Variants in PAX8 observed in about 807,000 individuals in gnomAD.
The protein encoded by PAX8 is paired box 8.
PAX8 carries 15 observed loss-of-function variants against 52.4 expected under a neutral mutation model. The observed-to-expected ratio is 0.29, with a 90% CI of 0.19 to 0.44. The LOEUF is 0.44. Among genes scored for constraint, PAX8 ranks in the 20% least tolerant of loss-of-function variants. The pLI is 1.00. For synonymous variants in PAX8, 284 were observed against 249.7 expected, an observed-to-expected ratio of 1.14 and a Z score of -1.29; for missense variants, 554 against 602.5, an observed-to-expected ratio of 0.92 and a Z score of 0.84.
chr2:113,235,540 A>ACCTC lies in PAX8; in HGVS notation c.937_940dup (p.Val314GlyfsTer6). The ACCTC allele has an allele frequency of 6.2e-7, 1 of 1,613,614 alleles. No individual in the cohort carries two copies. The highest frequency in any genetic ancestry group is 8.5e-7 in the Non-Finnish European group (1 of 1,179,714). On this transcript the variant is annotated frameshift_variant, in exon 9 of 12. Transcript: ENST00000429538. LOFTEE classifies it high-confidence loss of function. ...GGAAGGGGTGGAGCTAGAACTGGACACCTCGGGGGTTTCCTGCTTTATGGC... is the reference window on the plus strand; with the variant it reads ...GGAAGGGGTGGAGCTAGAACTGGACACCTCCCTCGGGGGTTTCCTGCTTTATGGC...
At chr2:113,260,743 C>T (rs895418) in intron 2 of PAX8, among the ~76,000 whole-genome samples, 78,213 of 151,976 alleles carry the variant, frequency 0.51, 20,593 homozygotes, top group African/African-American at 0.63. Flanking sequence ...TTTTGAAGGC[C>T]GAGATTCTTT....
rs191808127 is a variant in PAX8 at position 113,260,280 on chromosome 2, G to A, written c.26-13361C>T. Among the ~76,000 whole-genome samples the A allele has an allele frequency of 1.1e-4, 17 of 152,232 alleles. No homozygotes were observed. The East Asian group carries it at 1.2e-3, about 10-fold the overall frequency. ...TTCAATTCTGTCCACAAGTAGCTCC[G>A]TGGAATATCTGTGGAGGTGTGTATA... On this transcript the variant is annotated intron_variant, in intron 2 of 11. Coordinates refer to ENST00000429538, the MANE Select transcript of PAX8 (RefSeq NM_003466.4).
intron 2 of PAX8, among the ~76,000 whole-genome samples, chr2:113,277,769 G>T (rs895570410): frequency 1.3e-5 from 2 of 152,178 alleles, no homozygotes; most frequent in African/African-American, 2.4e-5. Flanking sequence ...TTGACTCCGC[G>T]AGCGGCTTAG....
In PAX8 at chr2:113,275,247, C is replaced by T. The variant is rs951583603; in HGVS notation, c.25+3123G>A. On this transcript the variant is annotated intron_variant, in intron 2 of 11. Transcript: ENST00000429538. Reference sequence around the variant, plus strand: ...TGACAAAGCTTAAAAAGATACTTATCTTAAAACTAATTCACAAGGTAGCTA... The same window carrying T: ...TGACAAAGCTTAAAAAGATACTTATTTTAAAACTAATTCACAAGGTAGCTA... 3.9e-5 allele frequency: 6 copies of T among 152,184 alleles called. No individual in the cohort carries two copies. The East Asian group carries it at 7.7e-4, about 20-fold the overall frequency. 9.4% of individuals were successfully genotyped at this position (152,184 alleles called of 1,614,324 possible).
intron 9 of PAX8, among the ~76,000 whole-genome samples, chr2:113,229,857 T>TGAGGGAG (rs2104439437): frequency 6.6e-6 from 1 of 151,620 alleles, no homozygotes; most frequent in Admixed American, 6.6e-5. Flanking sequence ...GGACAGGTGG[T>TGAGGGAG]GAGGGAGGGA....
chr2:113,263,891 AC>A (rs1692868045), intron 2 of PAX8, among the ~76,000 whole-genome samples: 1 of 152,164 alleles, frequency 6.6e-6, no homozygotes, highest in African/African-American at 2.4e-5. Context: ...TTTGATATAG[AC>A]CACACTTGAG....
Position 113,267,691 on chromosome 2 carries a change from C to G in PAX8, c.25+10679G>C, listed in dbSNP as rs147742095. The G allele has an allele frequency of 4.5e-4, 68 of 152,368 alleles. 1 individual carries two copies. Among genetic ancestry groups the G allele is most frequent in the African/African-American group, 1.6e-3 (67 of 41,576 alleles). The allele number at this position is 152,368 out of a possible 1,614,324, so 9.4% of individuals were successfully genotyped here. On this transcript the variant is annotated intron_variant, in intron 2 of 11. Transcript: ENST00000429538. ...GTACAGCCGGGACTCATCAATCACA[C>G]CTGTAACTTCCCAGCTGCATTTCTC...
chr2:113,257,843 C>T (rs1692371737), intron 2 of PAX8, among the ~76,000 whole-genome samples: 1 of 152,162 alleles, frequency 6.6e-6, no homozygotes, highest in Admixed American at 6.5e-5. Context: ...TTAAATGCAT[C>T]TTTTCAATTA....
At position 113,242,835 on chromosome 2, in the gene PAX8, C is replaced by G. The variant is rs543886262; in HGVS notation, c.390-57G>C. The stretch of plus-strand genomic sequence containing the variant: ...GAAGAGGAGGAAAGAGAACTCATGG[C>G]TGCCCCAGACCCAGTCGCCTTTTTG... On this transcript the variant is annotated intron_variant, in intron 4 of 11. Transcript: ENST00000429538. 3.1e-5 allele frequency: 42 copies of G among 1,374,876 alleles called. No individual in the cohort carries two copies. The East Asian group carries it at 8.9e-4, about 29-fold the overall frequency. The allele number at this position is 1,374,876 out of a possible 1,614,324, so 85.2% of individuals were successfully genotyped here.
chr2:113,267,151 T>G (rs1303598888), intron 2 of PAX8: 1 of 152,186 alleles, frequency 6.6e-6, no homozygotes, highest in South Asian at 2.1e-4. Context: ...GACAGAATGT[T>G]AGAGAGAATA....
chr2:113,261,205 G>A (rs1283910154), intron 2 of PAX8, among the ~76,000 whole-genome samples: 1 of 152,108 alleles, frequency 6.6e-6, no homozygotes, highest in Non-Finnish European at 1.5e-5. Flanking sequence ...AGGAAACAGG[G>A]GGTGCTGAGA....
intron 2 of PAX8, chr2:113,268,264 C>T (rs1400501238): frequency 6.6e-6 from 1 of 152,324 alleles, no homozygotes; most frequent in Non-Finnish European, 1.5e-5. Flanking sequence ...CAGCACAGGC[C>T]ACAGCAAAGG....
chr2:113,220,754 G>A (rs1689232796), intron 10 of PAX8, among the ~76,000 whole-genome samples: 1 of 152,190 alleles, frequency 6.6e-6, no homozygotes, highest in Admixed American at 6.5e-5. Context: ...GAGGGTTAAG[G>A]ATGGGAGAGG....
At chr2:113,242,612 G>A in intron 5 of PAX8, 78 bp downstream of exon 5, 1 of 941,982 alleles carries the variant, frequency 1.1e-6, no homozygotes. Context: ...GTCTGTGTGT[G>A]CCTCTGTGTA....
chr2:113,275,831 G>T (rs1307222044), intron 2 of PAX8: 1 of 152,256 alleles, frequency 6.6e-6, no homozygotes, highest in Non-Finnish European at 1.5e-5. Flanking sequence ...ACGTTAAAAT[G>T]ATTCGCGTTC....
At position 113,278,878 on chromosome 2, in the gene PAX8, G is replaced by A. The variant is rs1401256342; in HGVS notation, c.-123C>T. 1 of 1,058,088 alleles carries A rather than the reference G, an allele frequency of 9.5e-7. No individual in the cohort carries two copies. The highest frequency in any genetic ancestry group is 5.2e-5 in the East Asian group (1 of 19,062). The allele number at this position is 1,058,088 out of a possible 1,614,324, so 65.5% of individuals were successfully genotyped here. On this transcript the variant is annotated 5_prime_UTR_variant, in exon 1 of 12. Transcript: ENST00000429538. ...TCACTGCTTGGGTCCGCCCGCGAGG[G>A]TGCCCTGGGCCCGGTGTCTCTCCTC...
At chr2:113,235,294 G>A (rs1329838086) in intron 9 of PAX8, 100 bp downstream of exon 9, 2 of 983,936 alleles carry the variant, frequency 2.0e-6, no homozygotes, top group East Asian at 5.3e-5. Context: ...GGGTGGGGGT[G>A]GATGAGACTG....
chr2:113,271,395 C>G (rs1022704441), intron 2 of PAX8: 2 of 152,144 alleles, frequency 1.3e-5, no homozygotes, highest in Admixed American at 1.3e-4. Context: ...GACACGGCAG[C>G]CTTGGGGGGA....
chr2:113,262,126 G>A (rs962528294), intron 2 of PAX8, among the ~76,000 whole-genome samples: 2 of 152,036 alleles, frequency 1.3e-5, no homozygotes, highest in African/African-American at 2.4e-5. Context: ...CACTGTGCCC[G>A]GCCGATTTTA....
Sources: gnomAD v4.1 joint callset for allele counts (sites outside exome capture counted in the v4.1 genomes callset) on GRCh38, gnomAD v4.1.1 for gene constraint, MANE v1.5 for transcripts, NCBI Gene and HGNC (gene_info 2026-07-23, HGNC 2026-07-21) for gene names.